The following UST variants were observed in gnomAD, a reference collection of about 807,000 sequenced individuals.
The protein encoded by UST is uronyl 2-sulfotransferase.
In UST, 21 loss-of-function variants were observed where a neutral mutation model predicts 45.6. The ratio of observed to expected loss-of-function variants is 0.46; its 90% confidence interval spans 0.33 to 0.66. The LOEUF is 0.66. Ranked by LOEUF, UST falls within the 30% of genes least tolerant of loss-of-function variation. The probability of loss-of-function intolerance (pLI) is 0.02; values close to 1 mark genes in which losing one functional copy is unlikely to be tolerated. For synonymous variants in UST, 215 were observed against 200.6 expected (o/e 1.07, Z -0.61); for missense variants, 463 against 512.4 (o/e 0.90, Z 0.93).
intron 2 of UST, among the ~76,000 whole-genome samples, chr6:148,899,105 T>C (rs1779195184): frequency 7.2e-6 from 1 of 139,218 alleles, no homozygotes; most frequent in Non-Finnish European, 1.5e-5. Context: ...TTTTTTTTTT[T>C]TTTTTTTTTT....
chr6:149,056,118 T>TTTCC, intron 7 of UST, among the ~76,000 whole-genome samples: 2 of 44,718 alleles, frequency 4.5e-5, no homozygotes, highest in Non-Finnish European at 8.3e-5. Flanking sequence ...TTTTCTTTTC[T>TTTCC]TTTTTTTTTT....
chr6:148,822,645 A>G (rs1777488944), intron 1 of UST, among the ~76,000 whole-genome samples: 1 of 152,224 alleles, frequency 6.6e-6, no homozygotes, highest in Non-Finnish European at 1.5e-5. Flanking sequence ...GGTATGAAAT[A>G]TCTCTGTCGG....
chr6:148,823,286 A>G (rs948836181), intron 1 of UST, among the ~76,000 whole-genome samples: 1 of 152,242 alleles, frequency 6.6e-6, no homozygotes, highest in Non-Finnish European at 1.5e-5. Flanking sequence ...GCAAACTAGA[A>G]AGAAAGGAAG....
chr6:148,876,746 T>C (rs1468473750), intron 1 of UST, among the ~76,000 whole-genome samples: 1 of 152,130 alleles, frequency 6.6e-6, no homozygotes, highest in East Asian at 1.9e-4. Flanking sequence ...CAATTTCTTC[T>C]TTATTCGTTT....
chr6:149,020,346 G>A (rs1423122824), intron 6 of UST, among the ~76,000 whole-genome samples: 2 of 152,136 alleles, frequency 1.3e-5, no homozygotes, highest in South Asian at 2.1e-4. Flanking sequence ...ATACCTCCTG[G>A]TTAACATTTA....
chr6:148,983,408 C>T (rs996126968), intron 5 of UST, among the ~76,000 whole-genome samples: 3 of 151,964 alleles, frequency 2.0e-5, no homozygotes, highest in South Asian at 2.1e-4. Flanking sequence ...GAACAGGATT[C>T]GTCATCAAGG....
rs138003460 is a variant in UST, at chr6:148,747,591, C to T, written c.161C>T (p.Thr54Ile). Reference protein sequence around the residue: ...SLRDYGFCMATLLVFCLGSLL... With the variant: ...SLRDYGFCMAILLVFCLGSLL... ...CGGGACTACGGCTTCTGCATGGCCA[C>T]CCTGCTGGTCTTCTGCCTGGGCTCC... The change falls in exon 1 of 8, where the codon ACC becomes ATC. Residue 54 changes from threonine to isoleucine, a missense_variant. Coordinates refer to ENST00000367463, the MANE Select transcript of UST (RefSeq NM_005715.3). The T allele has an allele frequency of 5.6e-6, 9 of 1,595,842 alleles. No homozygotes were observed. The African/African-American group carries it at 1.2e-4, about 22-fold the overall frequency.
chr6:149,000,799 A>G (rs1387016467), intron 5 of UST, among the ~76,000 whole-genome samples: 1 of 152,238 alleles, frequency 6.6e-6, no homozygotes, highest in Non-Finnish European at 1.5e-5. Flanking sequence ...AATGAAAAAT[A>G]TGGTTATTGA....
chr6:148,855,219 G>C (rs1391741074), intron 1 of UST, among the ~76,000 whole-genome samples: 8 of 152,138 alleles, frequency 5.3e-5, no homozygotes, highest in African/African-American at 1.9e-4. Context: ...GATTTGATGG[G>C]GACACAGCCA....
intron 1 of UST, among the ~76,000 whole-genome samples, chr6:148,800,264 A>T (rs1282679218): frequency 2.0e-5 from 3 of 152,186 alleles, no homozygotes; most frequent in Admixed American, 2.0e-4. Flanking sequence ...GGATTTTGTG[A>T]GGATTCACTG....
intron 1 of UST, among the ~76,000 whole-genome samples, chr6:148,877,936 GGTCGTGT>G (rs1444601095): frequency 8.5e-6 from 1 of 117,326 alleles, no homozygotes; most frequent in African/African-American, 3.3e-5. Flanking sequence ...TGAGTGGGGG[GGTCGTGT>G]ATGAGTGCGG....
At chr6:148,897,778 A>C (rs1779165525) in intron 2 of UST, among the ~76,000 whole-genome samples, 1 of 152,160 alleles carries the variant, frequency 6.6e-6, no homozygotes, top group South Asian at 2.1e-4. Flanking sequence ...GGCATGAGCC[A>C]CTGCAACTGG....
At chr6:149,002,413 A>C (rs1344358444) in intron 5 of UST, among the ~76,000 whole-genome samples, 1 of 152,228 alleles carries the variant, frequency 6.6e-6, no homozygotes, top group Non-Finnish European at 1.5e-5. Flanking sequence ...AGAGGCTGAA[A>C]ATAATGAGAC....
intron 5 of UST, among the ~76,000 whole-genome samples, chr6:149,014,728 G>C (rs1438534843): frequency 6.6e-6 from 1 of 152,198 alleles, no homozygotes; most frequent in Non-Finnish European, 1.5e-5. Flanking sequence ...AAAGGCATGA[G>C]ATGAATTACC....
At chr6:148,910,862 GT>G (rs1366132375) in intron 2 of UST, among the ~76,000 whole-genome samples, 4 of 151,414 alleles carry the variant, frequency 2.6e-5, no homozygotes, top group African/African-American at 9.7e-5. Flanking sequence ...GTTTCTAATC[GT>G]TTAGTCTCAG....
intron 2 of UST, among the ~76,000 whole-genome samples, chr6:148,924,015 T>TCA (rs1779766250): frequency 2.6e-5 from 4 of 152,182 alleles, no homozygotes; most frequent in African/African-American, 9.7e-5. Context: ...AAATGAGCTT[T>TCA]ATAAAGCAGC....
intron 2 of UST, among the ~76,000 whole-genome samples, chr6:148,915,184 A>T (rs1280574814): frequency 6.6e-6 from 1 of 152,248 alleles, no homozygotes; most frequent in Non-Finnish European, 1.5e-5. Context: ...AGACACAAAC[A>T]TTCAAATGAT....
chr6:148,833,589 AG>A (rs1777731557), intron 1 of UST, among the ~76,000 whole-genome samples: 1 of 152,222 alleles, frequency 6.6e-6, no homozygotes, highest in African/African-American at 2.4e-5. Flanking sequence ...AGGGAGAAAA[AG>A]TATATGTTCA....
chr6:148,766,925 T>G (rs1436988425), intron 1 of UST, among the ~76,000 whole-genome samples: 1 of 152,242 alleles, frequency 6.6e-6, no homozygotes, highest in Non-Finnish European at 1.5e-5. Flanking sequence ...AATCTTTATT[T>G]GTCTATGACT....
Sources: gnomAD v4.1 joint callset for allele counts (sites outside exome capture counted in the v4.1 genomes callset) on GRCh38, gnomAD v4.1.1 for gene constraint, MANE v1.5 for transcripts, NCBI Gene and HGNC (gene_info 2026-07-23, HGNC 2026-07-21) for gene names.